The following RARB variants were observed in gnomAD, a reference collection of about 807,000 sequenced individuals.
RARB encodes HBV-activated protein.
A neutral mutation model predicts 51.9 loss-of-function variants in RARB; 17 were observed. The ratio of observed to expected loss-of-function variants is 0.33; its 90% confidence interval spans 0.22 to 0.49. RARB has a LOEUF of 0.49. Among genes scored for constraint, RARB ranks in the 20% least tolerant of loss-of-function variants. RARB has a pLI of 0.99. For missense variants in RARB, 369 were observed against 550.8 expected, an observed-to-expected ratio of 0.67 and a Z score of 3.30; for synonymous variants, 215 against 195.4, an observed-to-expected ratio of 1.10 and a Z score of -0.84.
At chr3:24,903,135 T>C (rs910054994) in intron 2 of RARB, among the ~76,000 whole-genome samples, 3 of 152,084 alleles carry the variant, frequency 2.0e-5, no homozygotes, top group Non-Finnish European at 4.4e-5. Context: ...TTTAATAAAA[T>C]AATTTTAATA....
intron 4 of RARB, among the ~76,000 whole-genome samples, chr3:25,164,506 C>A (rs1700529726): frequency 1.3e-5 from 2 of 152,132 alleles, no homozygotes; most frequent in Non-Finnish European, 2.9e-5. Context: ...TCAAATGTAC[C>A]TTGAAAATTC....
intron 2 of RARB, among the ~76,000 whole-genome samples, chr3:24,890,236 T>G (rs1433445120): frequency 6.6e-6 from 1 of 152,164 alleles, no homozygotes; most frequent in Non-Finnish European, 1.5e-5. Context: ...AGAATTGAAA[T>G]GACTCACTCT....
chr3:25,572,242 G>A (rs1700740532), intron 4 of RARB, among the ~76,000 whole-genome samples: 1 of 152,156 alleles, frequency 6.6e-6, no homozygotes, highest in African/African-American at 2.4e-5. Context: ...GCCACTTGAG[G>A]AGTCTGTAAA....
intron 1 of RARB, among the ~76,000 whole-genome samples, chr3:25,450,035 GC>G (rs1709123902): frequency 6.6e-6 from 1 of 152,206 alleles, no homozygotes; most frequent in Non-Finnish European, 1.5e-5. Context: ...ACAGGCTTAA[GC>G]CACTGCGCCT....
chr3:24,918,114 AT>A (rs1447001205), intron 2 of RARB, among the ~76,000 whole-genome samples: 1 of 152,232 alleles, frequency 6.6e-6, no homozygotes, highest in Admixed American at 6.5e-5. Flanking sequence ...TCAGAATAAC[AT>A]TGTTCTTAGT....
chr3:25,050,587 T>C (rs1698311043), intron 2 of RARB, among the ~76,000 whole-genome samples: 1 of 152,302 alleles, frequency 6.6e-6, no homozygotes, highest in East Asian at 1.9e-4. Context: ...CCTTCTCTCC[T>C]GAGGCAATCA....
chr3:25,581,762 A>G (rs1701187298), intron 5 of RARB, among the ~76,000 whole-genome samples: 1 of 152,136 alleles, frequency 6.6e-6, no homozygotes, highest in Non-Finnish European at 1.5e-5. Flanking sequence ...AGATGAAGCC[A>G]CCAGAGCTCC....
At position 25,348,847 on chromosome 3, in the gene RARB, G is replaced by A. The variant is rs145345482; in HGVS notation, c.179-112346G>A. Among the ~76,000 whole-genome samples, 503 of 152,188 alleles carry A rather than the reference G, an allele frequency of 3.3e-3. 5 individuals carry two copies. The highest frequency in any genetic ancestry group is 0.011 in the African/African-American group (473 of 41,518). On this transcript the variant is annotated intron_variant, in intron 5 of 11. Coordinates refer to the RARB transcript ENST00000383772. ...AACTCCCAAAGTTTCTGATTAAGTC[G>A]GTCTGGGGTAGGACCCAAGGATTTG... is the stretch of plus-strand genomic sequence containing the variant.
chr3:25,297,018 T>A (rs187547101), intron 5 of RARB, among the ~76,000 whole-genome samples: 1 of 152,240 alleles, frequency 6.6e-6, no homozygotes, highest in Non-Finnish European at 1.5e-5. Flanking sequence ...CTAGATAGTG[T>A]CTGTGAAAGA....
chr3:25,009,329 G>A (rs1040466825), intron 2 of RARB, among the ~76,000 whole-genome samples: 1 of 152,120 alleles, frequency 6.6e-6, no homozygotes, highest in South Asian at 2.1e-4. Flanking sequence ...CTCTTTAAAG[G>A]TAATCATACA....
intron 5 of RARB, among the ~76,000 whole-genome samples, chr3:25,314,775 G>T (rs1302453851): frequency 3.9e-5 from 6 of 152,086 alleles, no homozygotes; most frequent in Admixed American, 3.9e-4. Context: ...CTGAGGTTTG[G>T]GGTATAATTG....
intron 3 of RARB, among the ~76,000 whole-genome samples, chr3:25,130,392 G>T (rs1349968286): frequency 6.6e-6 from 1 of 151,970 alleles, no homozygotes; most frequent in Non-Finnish European, 1.5e-5. Flanking sequence ...TCCCCTTTGT[G>T]ACTAACTCTG....
At chr3:24,993,013 C>T (rs541179826) in intron 2 of RARB, among the ~76,000 whole-genome samples, 5 of 152,102 alleles carry the variant, frequency 3.3e-5, no homozygotes, top group African/African-American at 1.2e-4. Context: ...CTTAAAGGAA[C>T]ATTAAATGTT....
intron 4 of RARB, among the ~76,000 whole-genome samples, chr3:25,151,376 G>A (rs535394337): frequency 2.6e-5 from 4 of 152,086 alleles, no homozygotes; most frequent in East Asian, 1.9e-4. Flanking sequence ...TTCTTTAATC[G>A]TTCACAAAAG....
In RARB at chr3:25,428,292, C is replaced by T. The variant is rs1203302693; in HGVS notation, c.-440C>T. 3 of 1,240,000 alleles carry T rather than the reference C, an allele frequency of 2.4e-6. No homozygotes were observed. The highest frequency in any genetic ancestry group is 1.5e-5 in the African/African-American group (1 of 64,556). 76.8% of individuals were successfully genotyped at this position (1,240,000 alleles called of 1,614,324 possible). On this transcript the variant is annotated 5_prime_UTR_variant, in exon 1 of 8. Transcript: ENST00000330688. ...CAGAAGTAGTAGGAAGTGAGCTGTT[C>T]AGAGGCAGGAGGGTCTATTCTTTGC...
chr3:25,176,471 C>A (rs1700755907), intron 5 of RARB, among the ~76,000 whole-genome samples: 1 of 150,714 alleles, frequency 6.6e-6, no homozygotes, highest in South Asian at 2.1e-4. Context: ...TCTTGACTCA[C>A]TGCAACCTCC....
At chr3:24,977,126 G>A (rs1289989591) in intron 2 of RARB, among the ~76,000 whole-genome samples, 1 of 152,084 alleles carries the variant, frequency 6.6e-6, no homozygotes, top group Non-Finnish European at 1.5e-5. Flanking sequence ...CTATATATCT[G>A]TTTTGGTACC....
At chr3:25,446,801 T>TAAAA (rs1708961550) in intron 1 of RARB, among the ~76,000 whole-genome samples, 1 of 29,832 alleles carries the variant, frequency 3.4e-5, no homozygotes, top group African/African-American at 2.3e-4. Flanking sequence ...AGACTCCGTC[T>TAAAA]CAAAAAAAAA....
intron 2 of RARB, among the ~76,000 whole-genome samples, chr3:24,860,636 C>T (rs1027512297): frequency 1.3e-5 from 2 of 151,980 alleles, no homozygotes; most frequent in African/African-American, 2.4e-5. Context: ...GAAAAAAACC[C>T]TTTACAGAAG....
Sources: gnomAD v4.1 joint callset for allele counts (sites outside exome capture counted in the v4.1 genomes callset) on GRCh38, gnomAD v4.1.1 for gene constraint, MANE v1.5 for transcripts, NCBI Gene and HGNC (gene_info 2026-07-23, HGNC 2026-07-21) for gene names.